Variants in TOP1 observed in about 807,000 individuals in gnomAD.
TOP1 encodes DNA topoisomerase I.
Under a neutral mutation model 111.1 loss-of-function variants are expected in TOP1, and 10 were observed. That is an observed-to-expected ratio of 0.09 (90% CI 0.06 to 0.15). The LOEUF is 0.15. Ranked by LOEUF, TOP1 falls within the 10% of genes least tolerant of loss-of-function variation. The probability of loss-of-function intolerance (pLI) is 1.00; values close to 1 mark genes in which losing one functional copy is unlikely to be tolerated. For synonymous variants in TOP1, 271 were observed against 302.9 expected (o/e 0.89, Z 1.10); for missense variants, 474 against 926.7 (o/e 0.51, Z 6.34).
In TOP1 at chr20:41,038,753, A is replaced by C. The variant is rs557503802; in HGVS notation, c.58+9298A>C. On this transcript the variant is annotated intron_variant, in intron 2 of 20. Transcript: ENST00000361337. Reference sequence around the variant, plus strand: ...ATAATCCCAGCACTTTGGGAGGCCGAGATGGGCAGATCACTTGAGCCCAGG... The same window carrying C: ...ATAATCCCAGCACTTTGGGAGGCCGCGATGGGCAGATCACTTGAGCCCAGG... Among the ~76,000 whole-genome samples, 6 of 152,276 alleles carry C rather than the reference A, an allele frequency of 3.9e-5. No individual in the cohort carries two copies. The South Asian group carries it at 1.2e-3, about 32-fold the overall frequency.
At chr20:41,091,253 G>A (rs2033916407) in intron 8 of TOP1, among the ~76,000 whole-genome samples, 1 of 152,162 alleles carries the variant, frequency 6.6e-6, no homozygotes, top group African/African-American at 2.4e-5. Flanking sequence ...AGGGTAGTAA[G>A]TTAGTTATCT....
Position 41,082,762 on chromosome 20 carries a change from C to A in TOP1, c.507+1522C>A, listed in dbSNP as rs776850993. On this transcript the variant is annotated intron_variant, in intron 7 of 20. Transcript: ENST00000361337. This position sits in a 1 kb window ranked among gnomAD's most constrained non-coding sequence, Gnocchi z 4.1. ...AATGTTAAGTAGTGATTATGGTAGC[C>A]AATCACTCCACTTGCATATACCAAA... Among the ~76,000 whole-genome samples, 1 of 151,636 alleles carries A rather than the reference C, an allele frequency of 6.6e-6. No homozygotes were observed. The highest frequency in any genetic ancestry group is 1.5e-5 in the Non-Finnish European group (1 of 67,986).
In TOP1 at chr20:41,069,265, T is replaced by C. The variant is rs2145931012; in HGVS notation, c.156-6906T>C. Among the ~76,000 whole-genome samples, 1 of 152,362 alleles carries C rather than the reference T, an allele frequency of 6.6e-6. No individual in the cohort carries two copies. The highest frequency in any genetic ancestry group is 6.5e-5 in the Admixed American group (1 of 15,308). ...AATTTAAAAGATATGTTTGCTGCTT[T>C]CCTTGTGAGTGGTTTGCCAAAGCCC... On this transcript the variant is annotated intron_variant, in intron 3 of 20. Transcript: ENST00000361337. The surrounding 1 kb of genome is among the most constrained non-coding windows in gnomAD (Gnocchi z 4.1).
rs1451791325 is a variant in TOP1 at position 41,112,571 on chromosome 20, A to G, written c.1309-211A>G. 6.6e-6 allele frequency among the ~76,000 whole-genome samples: 1 copy of G among 152,218 alleles called. No individual in the cohort carries two copies. The highest frequency in any genetic ancestry group is 1.5e-5 in the Non-Finnish European group (1 of 68,040). On this transcript the variant is annotated intron_variant, in intron 13 of 20. Coordinates refer to ENST00000361337, the MANE Select transcript of TOP1 (RefSeq NM_003286.4). The surrounding 1 kb of genome is among the most constrained non-coding windows in gnomAD (Gnocchi z 5.8). The stretch of plus-strand genomic sequence containing the variant: ...GGTCAAGTTCCTGCTCTTTTGTTCA[A>G]AGTCTTGCTTTGTCACCCATGGTGG...
rs1462253973 is a variant in TOP1 at position 41,030,242 on chromosome 20, C to T, written c.58+787C>T. Among the ~76,000 whole-genome samples, 1 of 152,152 alleles carries T rather than the reference C, an allele frequency of 6.6e-6. No homozygotes were observed. The highest frequency in any genetic ancestry group is 1.5e-5 in the Non-Finnish European group (1 of 68,022). On this transcript the variant is annotated intron_variant, in intron 2 of 20. Transcript: ENST00000361337. The surrounding 1 kb of genome is among the most constrained non-coding windows in gnomAD (Gnocchi z 4.1). ...AATTATGTTAGTCACTGGAACTTTT[C>T]ATTGTGGTCGAGGTTCCCAATGCAG...
In TOP1 at chr20:41,029,190, G is replaced by T. The variant is rs548036606; in HGVS notation, c.33+90G>T. On this transcript the variant is annotated intron_variant, in intron 1 of 20. Coordinates refer to ENST00000361337, the MANE Select transcript of TOP1 (RefSeq NM_003286.4). The surrounding 1 kb of genome is among the most constrained non-coding windows in gnomAD (Gnocchi z 6.1). Reference sequence around the variant, plus strand: ...AGGCCCCGACCCCAGCCCCGGCCCGGCAGCTTTGACAGGCCGGAGCCCCCG... The same window carrying T: ...AGGCCCCGACCCCAGCCCCGGCCCGTCAGCTTTGACAGGCCGGAGCCCCCG... 727 of 1,113,172 alleles carry T rather than the reference G, an allele frequency of 6.5e-4. 3 individuals are homozygous for T. Among genetic ancestry groups the T allele is most frequent in the African/African-American group, 6.5e-3 (393 of 60,222 alleles). The allele number at this position is 1,113,172 out of a possible 1,614,324, so 69.0% of individuals were successfully genotyped here.
chr20:41,038,363 G>T (rs1048891623), intron 2 of TOP1, among the ~76,000 whole-genome samples: 9 of 152,144 alleles, frequency 5.9e-5, no homozygotes, highest in African/African-American at 2.2e-4. Context: ...TTTATGAAAG[G>T]TGAAGCTTAG....
rs2034462586 is a variant in TOP1 at position 41,124,339 on chromosome 20, T to C, written c.*1042T>C. 4.3e-6 allele frequency: 1 copy of C among 233,294 alleles called. No homozygotes were observed. The highest frequency in any genetic ancestry group is 1.8e-4 in the South Asian group (1 of 5,534). 14.5% of individuals were successfully genotyped at this position (233,294 alleles called of 1,614,324 possible). On this transcript the variant is annotated 3_prime_UTR_variant, in exon 21 of 21. Coordinates refer to ENST00000361337, the MANE Select transcript of TOP1 (RefSeq NM_003286.4). The surrounding 1 kb of genome is among the most constrained non-coding windows in gnomAD (Gnocchi z 5.4). ...TTTAATGTGAAGACATTTTTTGCTATAATCATTAGTTTTAGAGGCATTGTT... is the reference window on the plus strand; with the variant it reads ...TTTAATGTGAAGACATTTTTTGCTACAATCATTAGTTTTAGAGGCATTGTT...
rs963164248 is a variant in TOP1 at position 41,112,608 on chromosome 20, G to A, written c.1309-174G>A. On this transcript the variant is annotated intron_variant, in intron 13 of 20. Transcript: ENST00000361337. This position sits in a 1 kb window ranked among gnomAD's most constrained non-coding sequence, Gnocchi z 5.8. ...GTCACCCATGGTGGAGTGCAGTGGC[G>A]TGATCTTGGCTCACTGCAACCTCTG... Among the ~76,000 whole-genome samples the A allele has an allele frequency of 6.6e-6, 1 of 152,154 alleles. No homozygotes were observed. The highest frequency in any genetic ancestry group is 1.5e-5 in the Non-Finnish European group (1 of 68,010).
chr20:41,043,156 A>G (rs926471186), intron 2 of TOP1, among the ~76,000 whole-genome samples: 1 of 152,242 alleles, frequency 6.6e-6, no homozygotes, highest in African/African-American at 2.4e-5. Flanking sequence ...GGCCTCACCC[A>G]TACCTACTGA....
In TOP1 at chr20:41,030,513, C is replaced by A. The variant is rs541050694; in HGVS notation, c.58+1058C>A. ...TCCCAATTCTTTATGTTTTTGAACC[C>A]TTTTCAGCCAAATCAAGGCATTTAT... is the stretch of plus-strand genomic sequence containing the variant. On this transcript the variant is annotated intron_variant, in intron 2 of 20. Coordinates refer to ENST00000361337, the MANE Select transcript of TOP1 (RefSeq NM_003286.4). The surrounding 1 kb of genome is among the most constrained non-coding windows in gnomAD (Gnocchi z 4.1). Among the ~76,000 whole-genome samples the A allele has an allele frequency of 6.6e-6, 1 of 151,470 alleles. No homozygotes were observed. Among genetic ancestry groups the A allele is most frequent in the South Asian group, 2.1e-4 (1 of 4,802 alleles).
At chr20:41,076,707 C>G (rs538388863) in intron 4 of TOP1, among the ~76,000 whole-genome samples, 137 of 152,102 alleles carry the variant, frequency 9.0e-4, no homozygotes, top group Non-Finnish European at 2.2e-4. Flanking sequence ...ACTAGGCTCA[C>G]CCAGCTGAGA....
At chr20:41,089,017 G>GTTTTTTTT (rs1290740653) in intron 8 of TOP1, among the ~76,000 whole-genome samples, 6 of 69,262 alleles carry the variant, frequency 8.7e-5, no homozygotes, top group African/African-American at 3.1e-4. Context: ...TGTTGCCCCA[G>GTTTTTTTT]TTCTTTTTTT....
intron 13 of TOP1, among the ~76,000 whole-genome samples, chr20:41,103,225 G>A (rs1324047213): frequency 1.3e-5 from 2 of 152,118 alleles, no homozygotes; most frequent in Non-Finnish European, 2.9e-5. Context: ...TAAGCATACC[G>A]CACATACATA....
chr20:41,066,570 T>C (rs2033610279), intron 3 of TOP1, among the ~76,000 whole-genome samples: 1 of 150,152 alleles, frequency 6.7e-6, no homozygotes, highest in Admixed American at 6.6e-5. Context: ...TTTTTTTTTT[T>C]TTTTGAGACA....
rs2033083622 is a variant in TOP1, at chr20:41,029,261, C to G, written c.33+161C>G. Among the ~76,000 whole-genome samples, 1 of 151,982 alleles carries G rather than the reference C, an allele frequency of 6.6e-6. No individual in the cohort carries two copies. The highest frequency in any genetic ancestry group is 2.1e-4 in the South Asian group (1 of 4,806). On this transcript the variant is annotated intron_variant, in intron 1 of 20. Coordinates refer to ENST00000361337, the MANE Select transcript of TOP1 (RefSeq NM_003286.4). This position sits in a 1 kb window ranked among gnomAD's most constrained non-coding sequence, Gnocchi z 6.1. Reference sequence around the variant, plus strand: ...GTAGATCGGCTCGCTAGGCCGCGAGCGAGGGCCGCGAAGTTACAGTTCGAG... The same window carrying G: ...GTAGATCGGCTCGCTAGGCCGCGAGGGAGGGCCGCGAAGTTACAGTTCGAG...
intron 3 of TOP1, chr20:41,073,071 G>T: frequency 5.1e-6 from 5 of 985,330 alleles, no homozygotes; most frequent in Non-Finnish European, 6.0e-6. Flanking sequence ...TTGACTTTTG[G>T]CTTCCTGGCA....
In TOP1 at chr20:41,101,690, T is replaced by A. The variant is rs1380841271; in HGVS notation, c.1308+337T>A. Reference sequence around the variant, plus strand: ...TTAACGTCCAGTGGTCAGAATGTGTTGAAGTATGGTGATTGTATATTGGCC... The same window carrying A: ...TTAACGTCCAGTGGTCAGAATGTGTAGAAGTATGGTGATTGTATATTGGCC... On this transcript the variant is annotated intron_variant, in intron 13 of 20. Coordinates refer to ENST00000361337, the MANE Select transcript of TOP1 (RefSeq NM_003286.4). The surrounding 1 kb of genome is among the most constrained non-coding windows in gnomAD (Gnocchi z 4.1). 6.6e-6 allele frequency among the ~76,000 whole-genome samples: 1 copy of A among 152,248 alleles called. No individual in the cohort carries two copies. Among genetic ancestry groups the A allele is most frequent in the Non-Finnish European group, 1.5e-5 (1 of 68,048 alleles).
rs1054970961 is a variant in TOP1 at position 41,101,428 on chromosome 20, C to G, written c.1308+75C>G. On this transcript the variant is annotated intron_variant, in intron 13 of 20. Transcript: ENST00000361337. This position sits in a 1 kb window ranked among gnomAD's most constrained non-coding sequence, Gnocchi z 4.1. ...TTTTGTTGAAATGTAACGTTCTCGT[C>G]CTCTAGAATCACTTTGACAAATTAA... is the stretch of plus-strand genomic sequence containing the variant. 7.0e-7 allele frequency: 1 copy of G among 1,429,174 alleles called. No homozygotes were observed. Among genetic ancestry groups the G allele is most frequent in the East Asian group, 2.4e-5 (1 of 42,200 alleles). 88.5% of individuals were successfully genotyped at this position (1,429,174 alleles called of 1,614,324 possible). A position where few individuals can be genotyped will look rare whatever the true frequency, so the allele number is the denominator to read the frequency against.
Sources: gnomAD v4.1 joint callset for allele counts (sites outside exome capture counted in the v4.1 genomes callset) on GRCh38, gnomAD v4.1.1 for gene constraint, Gnocchi (gnomAD v3.1) non-coding constraint, MANE v1.5 for transcripts, NCBI Gene and HGNC (gene_info 2026-07-23, HGNC 2026-07-21) for gene names.